The following ITGBL1 variants were observed in gnomAD, a reference collection of about 807,000 sequenced individuals.
ITGBL1 encodes integrin beta-like protein 1.
A neutral mutation model predicts 68.5 loss-of-function variants in ITGBL1; 51 were observed. That is an observed-to-expected ratio of 0.74 (90% CI 0.59 to 0.94). The LOEUF (loss-of-function observed/expected upper bound fraction) is 0.94, where lower values mean the gene tolerates loss of function less well. ITGBL1 is among the 40% of genes least tolerant of loss of function. The pLI is 0.00. For synonymous variants in ITGBL1, 209 were observed against 227.3 expected, an observed-to-expected ratio of 0.92 and a Z score of 0.72; for missense variants, 649 against 647.4, an observed-to-expected ratio of 1.00 and a Z score of -0.03.
intron 2 of ITGBL1, among the ~76,000 whole-genome samples, chr13:101,552,858 G>A (rs1017980010): frequency 5.9e-5 from 9 of 152,076 alleles, no homozygotes; most frequent in Non-Finnish European, 1.3e-4. Flanking sequence ...GGTGATTATT[G>A]GTAATCTTTG....
chr13:101,481,872 T>C (rs962344958), intron 2 of ITGBL1, among the ~76,000 whole-genome samples: 4 of 152,164 alleles, frequency 2.6e-5, no homozygotes, highest in Non-Finnish European at 5.9e-5. Context: ...CAATGTATAA[T>C]GATCAAATCA....
intron 6 of ITGBL1, among the ~76,000 whole-genome samples, chr13:101,588,058 G>C (rs2050587624): frequency 6.6e-6 from 1 of 152,174 alleles, no homozygotes; most frequent in African/African-American, 2.4e-5. Flanking sequence ...CCTGTTTCTG[G>C]AGTTTGGATA....
rs183041536 is a variant in ITGBL1, at chr13:101,525,407, G to T, written c.317-42292G>T. Among the ~76,000 whole-genome samples, 533 of 151,986 alleles carry T rather than the reference G, an allele frequency of 3.5e-3. 3 individuals carry two copies. The highest frequency in any genetic ancestry group is 6.8e-3 in the Admixed American group (103 of 15,226). ...AAGAGTACTATAAAAAAAGTTAGTT[G>T]GGGTCACCTTGTCTATTGCAACTAA... On this transcript the variant is annotated intron_variant, in intron 2 of 10. Transcript: ENST00000376180.
At chr13:101,563,254 C>A (rs2050129528) in intron 2 of ITGBL1, among the ~76,000 whole-genome samples, 1 of 149,124 alleles carries the variant, frequency 6.7e-6, no homozygotes, top group Non-Finnish European at 1.5e-5. Flanking sequence ...AAAAAAAGAC[C>A]TAATTAAATC....
At chr13:101,563,879 A>G (rs1156359261) in intron 2 of ITGBL1, among the ~76,000 whole-genome samples, 1 of 151,934 alleles carries the variant, frequency 6.6e-6, no homozygotes, top group Non-Finnish European at 1.5e-5. Context: ...TTATAAACAT[A>G]GAACACCAAA....
At chr13:101,585,343 G>T (rs999498468) in intron 6 of ITGBL1, among the ~76,000 whole-genome samples, 1 of 152,188 alleles carries the variant, frequency 6.6e-6, no homozygotes, top group African/African-American at 2.4e-5. Context: ...ATGTGAGTCA[G>T]GGTCAGGGTT....
chr13:101,614,279 A>T (rs1433532609), intron 7 of ITGBL1, among the ~76,000 whole-genome samples: 1 of 152,160 alleles, frequency 6.6e-6, no homozygotes, highest in Non-Finnish European at 1.5e-5. Context: ...TCTGCTTTGA[A>T]AAATAATATG....
chr13:101,713,534 T>C (rs971297208), intron 9 of ITGBL1: 56 of 152,212 alleles, frequency 3.7e-4, no homozygotes, highest in African/African-American at 1.4e-3. Context: ...AAGTCCTTTT[T>C]ATTTGTTTCT....
At chr13:101,539,660 T>C (rs1295013590) in intron 2 of ITGBL1, among the ~76,000 whole-genome samples, 1 of 151,464 alleles carries the variant, frequency 6.6e-6, no homozygotes, top group Non-Finnish European at 1.5e-5. Context: ...TAGTTTACAG[T>C]CCCACCAACA....
intron 2 of ITGBL1, among the ~76,000 whole-genome samples, chr13:101,469,904 A>G (rs932385097): frequency 6.6e-6 from 1 of 152,242 alleles, no homozygotes; most frequent in Non-Finnish European, 1.5e-5. Flanking sequence ...ATTAAAAAAC[A>G]AAGCTGTTTG....
At chr13:101,600,828 G>C (rs2030325510) in intron 7 of ITGBL1, among the ~76,000 whole-genome samples, 1 of 152,154 alleles carries the variant, frequency 6.6e-6, no homozygotes, top group African/African-American at 2.4e-5. Flanking sequence ...TGTGTTGCTG[G>C]TTTCGGTTTG....
At chr13:101,520,628 C>A (rs949416122) in intron 2 of ITGBL1, among the ~76,000 whole-genome samples, 2 of 152,122 alleles carry the variant, frequency 1.3e-5, no homozygotes, top group Non-Finnish European at 2.9e-5. Flanking sequence ...TTCAGGGCAC[C>A]CTGCTCACTC....
At chr13:101,649,793 C>G (rs1198619230) in intron 7 of ITGBL1, among the ~76,000 whole-genome samples, 1 of 152,174 alleles carries the variant, frequency 6.6e-6, no homozygotes, top group African/African-American at 2.4e-5. Flanking sequence ...AATTTTTCAG[C>G]TTAAAGTTTA....
chr13:101,568,107 A>T (rs1282992818), intron 3 of ITGBL1, among the ~76,000 whole-genome samples: 1 of 152,174 alleles, frequency 6.6e-6, no homozygotes, highest in East Asian at 1.9e-4. Context: ...ATTTTATGTA[A>T]ATTGTGAGCC....
At chr13:101,643,327 T>C (rs991071367) in intron 7 of ITGBL1, among the ~76,000 whole-genome samples, 1 of 150,998 alleles carries the variant, frequency 6.6e-6, no homozygotes, top group South Asian at 2.1e-4. Context: ...TTTGAAGCAA[T>C]TGTGAATGGG....
intron 7 of ITGBL1, among the ~76,000 whole-genome samples, chr13:101,648,811 G>T (rs1026040087): frequency 6.6e-6 from 1 of 152,032 alleles, no homozygotes; most frequent in South Asian, 2.1e-4. Context: ...ATAGAAGCTA[G>T]GTTAGTGGTG....
intron 7 of ITGBL1, among the ~76,000 whole-genome samples, chr13:101,641,398 A>G (rs1305909499): frequency 6.6e-6 from 1 of 151,990 alleles, no homozygotes; most frequent in African/African-American, 2.4e-5. Context: ...TATATAGAAA[A>G]GGAGTTAAAA....
chr13:101,457,789 C>G (rs1193315917), intron 2 of ITGBL1, among the ~76,000 whole-genome samples: 1 of 151,984 alleles, frequency 6.6e-6, no homozygotes, highest in Non-Finnish European at 1.5e-5. Context: ...GCACTCCAGC[C>G]TGAGTGACAG....
At chr13:101,602,362 C>G (rs139507753) in intron 7 of ITGBL1, among the ~76,000 whole-genome samples, 1 of 152,078 alleles carries the variant, frequency 6.6e-6, no homozygotes, top group East Asian at 1.9e-4. Context: ...TCTAGAAGAA[C>G]ACGTGTTCCA....
Sources: allele counts gnomAD v4.1 joint callset (sites outside exome capture counted in the v4.1 genomes callset), GRCh38; gene constraint gnomAD v4.1.1; transcripts MANE v1.5; gene names NCBI Gene and HGNC (gene_info 2026-07-23, HGNC 2026-07-21).